Variants in CDH22 observed in about 807,000 individuals in gnomAD.
CDH22 encodes cadherin-22.
CDH22 carries 30 observed loss-of-function variants against 58.4 expected under a neutral mutation model. The ratio of observed to expected loss-of-function variants is 0.51; its 90% CI spans 0.38 to 0.70. CDH22 has a LOEUF of 0.70. CDH22 is among the 30% of genes least tolerant of loss of function. CDH22 has a pLI of 0.00. For missense variants in CDH22, 1,014 were observed against 1,233.9 expected, an observed-to-expected ratio of 0.82 and a Z score of 2.67; for synonymous variants, 513 against 558.2, an observed-to-expected ratio of 0.92 and a Z score of 1.14.
intron 1 of CDH22, among the ~76,000 whole-genome samples, chr20:46,259,384 A>G (rs975185362): frequency 1.3e-5 from 2 of 152,228 alleles, no homozygotes; most frequent in African/African-American, 4.8e-5. Context: ...CCAAATTACC[A>G]GATTCTAATG....
intron 7 of CDH22, among the ~76,000 whole-genome samples, chr20:46,208,668 C>T (rs1045699064): frequency 6.6e-6 from 1 of 152,172 alleles, no homozygotes; most frequent in African/African-American, 2.4e-5. Flanking sequence ...AATCTCGGCT[C>T]ACTGCAACCC....
At chr20:46,245,405 G>T (rs2086320868) in intron 2 of CDH22, among the ~76,000 whole-genome samples, 1 of 152,068 alleles carries the variant, frequency 6.6e-6, no homozygotes. Context: ...GCACATCTGT[G>T]TCCCCAGCTG....
At chr20:46,254,721 A>G (rs1278532039) in intron 1 of CDH22, among the ~76,000 whole-genome samples, 2 of 152,130 alleles carry the variant, frequency 1.3e-5, no homozygotes, top group Non-Finnish European at 2.9e-5. Flanking sequence ...GATGGAAGGA[A>G]TGGAGTGAGT....
intron 8 of CDH22, among the ~76,000 whole-genome samples, chr20:46,191,965 T>C (rs2085864416): frequency 6.6e-6 from 1 of 152,068 alleles, no homozygotes; most frequent in Non-Finnish European, 1.5e-5. Flanking sequence ...CCAAGTTTGC[T>C]CCTTTACCTC....
intron 10 of CDH22, among the ~76,000 whole-genome samples, chr20:46,180,255 G>A (rs546245356): frequency 1.4e-4 from 21 of 152,332 alleles, no homozygotes; most frequent in East Asian, 7.7e-4. Context: ...CCCTGTCCCC[G>A]GAGCTTACAT....
intron 10 of CDH22, among the ~76,000 whole-genome samples, chr20:46,185,578 T>A (rs1340712103): frequency 6.6e-6 from 1 of 151,756 alleles, no homozygotes; most frequent in Non-Finnish European, 1.5e-5. Flanking sequence ...CAGAAAGAAA[T>A]GTGAGTGGGC....
chr20:46,213,051 C>T lies in CDH22; in HGVS notation c.976G>A (p.Val326Met). ...LKDESSSGGD[V>M]FKVTTDSDTQ... ...TCGCTGTCTGTGGTGACCTTGAACA[C>T]ATCGCCGCCGCTGCTGCTCTCGTCC... The change falls in exon 6 of 12, where the codon GTG becomes ATG. Residue 326 changes from valine (V) to methionine (M), a missense_variant. Around this residue, in one of 2 missense-constraint regions of CDH22, gnomAD observed 806 missense variants for 1,038.7 expected, o/e 0.78. Coordinates refer to ENST00000537909, the MANE Select transcript of CDH22 (RefSeq NM_021248.3). 1 of 1,614,224 alleles carries T rather than the reference C, an allele frequency of 6.2e-7. No homozygotes were observed. The highest frequency in any genetic ancestry group is 2.2e-5 in the East Asian group (1 of 44,892).
chr20:46,176,731 C>T (rs1289252390), intron 11 of CDH22, among the ~76,000 whole-genome samples: 1 of 152,162 alleles, frequency 6.6e-6, no homozygotes, highest in Non-Finnish European at 1.5e-5. Flanking sequence ...GGAGGGAGGG[C>T]ACAGGGAAGG....
chr20:46,233,053 G>A (rs1306390444), intron 3 of CDH22, among the ~76,000 whole-genome samples: 1 of 152,210 alleles, frequency 6.6e-6, no homozygotes, highest in Non-Finnish European at 1.5e-5. Flanking sequence ...CAGAGGTTAA[G>A]TAGGAAACCA....
Position 46,186,967 on chromosome 20 carries a change from G to A in CDH22, c.1424-20C>T, listed in dbSNP as rs2085831028. ...GATTGTCTGTAATGAGAGCACAGGAGCAAGGGGAGAGGCATCAAGTGGGAG... is the reference window on the plus strand; with the variant it reads ...GATTGTCTGTAATGAGAGCACAGGAACAAGGGGAGAGGCATCAAGTGGGAG... On this transcript the variant is annotated intron_variant, in intron 8 of 11. Transcript: ENST00000537909. 2 of 1,553,148 alleles carry A rather than the reference G, an allele frequency of 1.3e-6. No individual in the cohort carries two copies. The highest frequency in any genetic ancestry group is 1.4e-5 in the African/African-American group (1 of 73,514).
intron 1 of CDH22, among the ~76,000 whole-genome samples, chr20:46,255,416 C>T (rs964292767): frequency 6.6e-6 from 1 of 152,224 alleles, no homozygotes; most frequent in Non-Finnish European, 1.5e-5. Flanking sequence ...ACTCCTCAGG[C>T]ATAAGGCATC....
chr20:46,303,078 C>G (rs1427516418), intron 1 of CDH22, among the ~76,000 whole-genome samples: 2 of 152,208 alleles, frequency 1.3e-5, no homozygotes, highest in African/African-American at 4.8e-5. Context: ...CCCCGCTGCT[C>G]TCGGGATGAA....
intron 1 of CDH22, among the ~76,000 whole-genome samples, chr20:46,264,024 A>G (rs903837685): frequency 6.6e-6 from 1 of 152,164 alleles, no homozygotes; most frequent in African/African-American, 2.4e-5. Context: ...AGCAAAATGG[A>G]TCAGAGTTGG....
intron 1 of CDH22, among the ~76,000 whole-genome samples, chr20:46,266,892 C>G (rs1039726624): frequency 1.3e-5 from 2 of 148,838 alleles, no homozygotes; most frequent in Admixed American, 1.3e-4. Context: ...ATAGTACTAA[C>G]AGGAAGGTCT....
chr20:46,277,999 A>T (rs2086528936), intron 1 of CDH22, among the ~76,000 whole-genome samples: 1 of 124,622 alleles, frequency 8.0e-6, no homozygotes, highest in African/African-American at 3.0e-5. Flanking sequence ...GGCAGAAGGT[A>T]GGGGGCAGGA....
intron 10 of CDH22, among the ~76,000 whole-genome samples, chr20:46,183,045 G>A (rs1247322276): frequency 1.3e-5 from 2 of 152,036 alleles, no homozygotes; most frequent in South Asian, 2.1e-4. Flanking sequence ...AAAAGCAACT[G>A]AGGCAGAATC....
intron 2 of CDH22, among the ~76,000 whole-genome samples, chr20:46,248,299 T>A (rs1211514064): frequency 6.6e-6 from 1 of 152,102 alleles, no homozygotes; most frequent in East Asian, 1.9e-4. Flanking sequence ...CTTTTCAGGA[T>A]GTGGGTGGCT....
intron 5 of CDH22, among the ~76,000 whole-genome samples, chr20:46,215,792 A>G (rs1249611504): frequency 6.6e-6 from 1 of 152,188 alleles, no homozygotes; most frequent in Non-Finnish European, 1.5e-5. Context: ...GCCTGGCACA[A>G]GTGGGCAGAA....
intron 1 of CDH22, among the ~76,000 whole-genome samples, chr20:46,277,826 T>G: frequency 6.7e-6 from 1 of 149,578 alleles, no homozygotes. Flanking sequence ...GGCTGAGCAG[T>G]GAGTGGGAGA....
Sources: gnomAD v4.1 joint callset for allele counts (sites outside exome capture counted in the v4.1 genomes callset) on GRCh38, gnomAD v4.1.1 for gene constraint, gnomAD v4.1.1 regional missense constraint, MANE v1.5 for transcripts, NCBI Gene and HGNC (gene_info 2026-07-23, HGNC 2026-07-21) for gene names.